MAP2K5: variants seen among roughly 807,000 people sequenced by gnomAD.
MAP2K5 encodes the protein mitogen-activated protein kinase kinase 5.
Under a neutral mutation model 83.1 loss-of-function variants are expected in MAP2K5, and 49 were observed. The observed-to-expected ratio is 0.59, with a 90% confidence interval of 0.47 to 0.75. The LOEUF (loss-of-function observed/expected upper bound fraction) is 0.75. Ranked by LOEUF, MAP2K5 falls within the 30% of genes least tolerant of loss-of-function variation. The pLI is 0.00. For synonymous variants in MAP2K5, 202 were observed against 191.8 expected (o/e 1.05, Z -0.44); for missense variants, 457 against 557.5 (o/e 0.82, Z 1.82).
chr15:67,762,066 G>A (rs1006791920), intron 19 of MAP2K5, among the ~76,000 whole-genome samples: 3 of 152,234 alleles, frequency 2.0e-5, no homozygotes, highest in Non-Finnish European at 4.4e-5. Flanking sequence ...GACTTCCCAC[G>A]AGGGTGAGCT....
intron 13 of MAP2K5, among the ~76,000 whole-genome samples, chr15:67,689,062 A>C (rs146725736): frequency 8.4e-4 from 128 of 152,290 alleles, no homozygotes; most frequent in African/African-American, 3.0e-3. Context: ...GATGATACTG[A>C]TAACAGCAAA....
At chr15:67,615,755 A>G (rs2086040887) in intron 8 of MAP2K5, among the ~76,000 whole-genome samples, 1 of 152,192 alleles carries the variant, frequency 6.6e-6, no homozygotes, top group South Asian at 2.1e-4. Flanking sequence ...ACATTTAGTT[A>G]CTGAAACCAT....
In MAP2K5 at chr15:67,702,791, A is replaced by G. The variant is rs1290781588; in HGVS notation, c.973-546A>G. On this transcript the variant is annotated intron_variant, in intron 15 of 21. Transcript: ENST00000178640. This position sits in a 1 kb window ranked among gnomAD's most constrained non-coding sequence, Gnocchi z 4.6. ...GGAATGAAATGTTGAACAGCAGATG[A>G]ATCTGGGTAAAGGAAATAGGAATGT... is the stretch of plus-strand genomic sequence containing the variant. Among the ~76,000 whole-genome samples the G allele has an allele frequency of 6.6e-6, 1 of 152,226 alleles. No homozygotes were observed. Among genetic ancestry groups the G allele is most frequent in the African/African-American group, 2.4e-5 (1 of 41,448 alleles).
At position 67,748,489 on chromosome 15, in the gene MAP2K5, T is replaced by A; in HGVS notation, c.1102-80T>A. ...TTAATCTTGCTATATTTTATTGCATTAATGATTTTTTCTTTCCACTCCACT... is the reference window on the plus strand; with the variant it reads ...TTAATCTTGCTATATTTTATTGCATAAATGATTTTTTCTTTCCACTCCACT... On this transcript the variant is annotated intron_variant, in intron 18 of 21. Transcript: ENST00000178640. This position sits in a 1 kb window ranked among gnomAD's most constrained non-coding sequence, Gnocchi z 4.0. The A allele has an allele frequency of 8.2e-7, 1 of 1,214,278 alleles. No homozygotes were observed. Among genetic ancestry groups the A allele is most frequent in the Non-Finnish European group, 1.2e-6 (1 of 832,794 alleles). 75.2% of individuals were successfully genotyped at this position (1,214,278 alleles called of 1,614,324 possible).
At chr15:67,795,758 G>A (rs191140727) in intron 21 of MAP2K5, among the ~76,000 whole-genome samples, 70 of 152,110 alleles carry the variant, frequency 4.6e-4, no homozygotes, top group East Asian at 2.9e-3. Flanking sequence ...CAAATATTTC[G>A]TGGCTGTACT....
intron 1 of MAP2K5, among the ~76,000 whole-genome samples, chr15:67,545,249 G>C (rs529100553): frequency 9.9e-5 from 15 of 152,172 alleles, no homozygotes; most frequent in Non-Finnish European, 1.8e-4. Flanking sequence ...GCACATGTTT[G>C]ATCATGATTC....
intron 21 of MAP2K5, among the ~76,000 whole-genome samples, chr15:67,805,754 A>G (rs1358919727): frequency 6.6e-6 from 1 of 152,218 alleles, no homozygotes; most frequent in Non-Finnish European, 1.5e-5. Context: ...AGAGGAAGCC[A>G]CTTGGTGTAA....
At chr15:67,609,040 C>T (rs1222200486) in intron 8 of MAP2K5, among the ~76,000 whole-genome samples, 1 of 152,106 alleles carries the variant, frequency 6.6e-6, no homozygotes, top group Non-Finnish European at 1.5e-5. Context: ...AAGTGGTGAA[C>T]TCCTCTACCT....
chr15:67,650,306 C>CT (rs1294945719), intron 11 of MAP2K5, among the ~76,000 whole-genome samples: 1 of 152,024 alleles, frequency 6.6e-6, no homozygotes, highest in Non-Finnish European at 1.5e-5. Context: ...TTCTGAATGT[C>CT]TTTTATTTCC....
intron 16 of MAP2K5, among the ~76,000 whole-genome samples, chr15:67,709,854 C>G (rs1297933595): frequency 1.3e-5 from 2 of 152,142 alleles, no homozygotes; most frequent in African/African-American, 4.8e-5. Context: ...TAGGATGATG[C>G]ATCTACATTA....
In MAP2K5 at chr15:67,577,395, G is replaced by T. The variant is rs970326582; in HGVS notation, c.253-3359G>T. The stretch of plus-strand genomic sequence containing the variant: ...TAAATGTTTATTAAACACCTACTAT[G>T]TGCAGAGCTTTGTGTTAGGGCTAAT... On this transcript the variant is annotated intron_variant, in intron 3 of 21. Coordinates refer to ENST00000178640, the MANE Select transcript of MAP2K5 (RefSeq NM_145160.3). The surrounding 1 kb of genome is among the most constrained non-coding windows in gnomAD (Gnocchi z 4.1). Among the ~76,000 whole-genome samples, 1 of 152,200 alleles carries T rather than the reference G, an allele frequency of 6.6e-6. No homozygotes were observed. The highest frequency in any genetic ancestry group is 1.5e-5 in the Non-Finnish European group (1 of 68,034).
chr15:67,692,464 C>T lies in MAP2K5; in HGVS notation c.848-15C>T, dbSNP rs755085005. 6.2e-7 allele frequency: 1 copy of T among 1,606,324 alleles called. No homozygotes were observed. Among genetic ancestry groups the T allele is most frequent in the Non-Finnish European group, 8.5e-7 (1 of 1,173,054 alleles). The stretch of plus-strand genomic sequence containing the variant: ...CATGGAATTAGTTACATGGCCTTTT[C>T]TGGTCCCTTTTTAGACGTGAAGCCC... On this transcript the variant is annotated splice_polypyrimidine_tract_variant and intron_variant, in intron 13 of 21. Coordinates refer to ENST00000178640, the MANE Select transcript of MAP2K5 (RefSeq NM_145160.3).
chr15:67,803,078 C>T (rs1404184302), intron 21 of MAP2K5, among the ~76,000 whole-genome samples: 1 of 152,242 alleles, frequency 6.6e-6, no homozygotes, highest in African/African-American at 2.4e-5. Flanking sequence ...AGATGCATAG[C>T]TGTGTGTGGG....
chr15:67,638,701 C>G lies in MAP2K5; in HGVS notation c.586-7530C>G, dbSNP rs886804729. On this transcript the variant is annotated intron_variant, in intron 9 of 21. Coordinates refer to ENST00000178640, the MANE Select transcript of MAP2K5 (RefSeq NM_145160.3). This position sits in a 1 kb window ranked among gnomAD's most constrained non-coding sequence, Gnocchi z 4.5. The stretch of plus-strand genomic sequence containing the variant: ...TACACTCCTTCCAACAGTATATAAG[C>G]ATTCCTTTTTCTCCACAACCTTGCC... Among the ~76,000 whole-genome samples the G allele has an allele frequency of 1.3e-5, 2 of 152,292 alleles. No homozygotes were observed. Among genetic ancestry groups the G allele is most frequent in the South Asian group, 4.1e-4 (2 of 4,822 alleles).
At chr15:67,588,595 A>G (rs1180929128) in intron 6 of MAP2K5, among the ~76,000 whole-genome samples, 1 of 152,354 alleles carries the variant, frequency 6.6e-6, no homozygotes, top group Admixed American at 6.5e-5. Context: ...GATTATAGTC[A>G]ATCATGTTTG....
At position 67,572,670 on chromosome 15, in the gene MAP2K5, TTAC is replaced by T. The variant is rs1009713757; in HGVS notation, c.253-8081_253-8079del. 2.0e-5 allele frequency among the ~76,000 whole-genome samples: 3 copies of T among 151,842 alleles called. No individual in the cohort carries two copies. The highest frequency in any genetic ancestry group is 4.4e-5 in the Non-Finnish European group (3 of 67,976). The stretch of plus-strand genomic sequence containing the variant: ...TGTGATAAAGGATTCATTTTCTTAA[TTAC>T]TATATTTTGCAAGAATTGATATTAT... On this transcript the variant is annotated intron_variant, in intron 3 of 21. Coordinates refer to ENST00000178640, the MANE Select transcript of MAP2K5 (RefSeq NM_145160.3). The surrounding 1 kb of genome is among the most constrained non-coding windows in gnomAD (Gnocchi z 4.2).
At chr15:67,614,733 G>A (rs2086015095) in intron 8 of MAP2K5, among the ~76,000 whole-genome samples, 1 of 152,166 alleles carries the variant, frequency 6.6e-6, no homozygotes, top group South Asian at 2.1e-4. Context: ...GAAATATGGA[G>A]GTAGTGATGA....
rs199759231 is a variant in MAP2K5 at position 67,586,823 on chromosome 15, C to A, written c.364-23C>A. The A allele has an allele frequency of 1.9e-4, 303 of 1,609,602 alleles. No individual in the cohort carries two copies. The African/African-American group carries it at 3.6e-3, about 19-fold the overall frequency. ...TGTGTCCTCAGAACACAAGACTGAT[C>A]AAGATTCTTTCTTTACTTATAGGTG... On this transcript the variant is annotated intron_variant, in intron 5 of 21. Transcript: ENST00000178640.
Position 67,772,731 on chromosome 15 carries a change from G to A in MAP2K5, c.1221G>A (p.Arg407=). The change falls in exon 21 of 22, where the codon AGG becomes AGA. Residue 407 remains arginine, a synonymous_variant. Transcript: ENST00000178640. ...GTATGCGAAAACAGCCAAAAGAAAG[G>A]CCAGCACCTGAAGAATTGATGGTAA... ...TQCMRKQPKE[R]PAPEELMGHP... is the part of the protein sequence containing the mutation. 6.2e-7 allele frequency: 1 copy of A among 1,602,564 alleles called. No homozygotes were observed. The highest frequency in any genetic ancestry group is 1.7e-5 in the Admixed American group (1 of 58,156).
Sources: allele counts gnomAD v4.1 joint callset (sites outside exome capture counted in the v4.1 genomes callset), GRCh38; gene constraint gnomAD v4.1.1; non-coding constraint Gnocchi (gnomAD v3.1); transcripts MANE v1.5; gene names NCBI Gene and HGNC (gene_info 2026-07-23, HGNC 2026-07-21).